Variants in RABGAP1 observed in about 807,000 individuals in gnomAD.
RABGAP1 encodes the protein RAB GTPase activating protein 1.
RABGAP1 carries 23 observed loss-of-function variants against 137.6 expected under a neutral mutation model. That is an observed-to-expected ratio of 0.17 (90% CI 0.12 to 0.24). RABGAP1 has a LOEUF of 0.24. Among genes scored for constraint, RABGAP1 ranks in the 10% least tolerant of loss-of-function variants. The probability of loss-of-function intolerance (pLI) is 1.00; values close to 1 mark genes in which losing one functional copy is unlikely to be tolerated. For missense variants in RABGAP1, 906 were observed against 1,275.8 expected (o/e 0.71, Z 4.42); for synonymous variants, 451 against 450.7 (o/e 1.00, Z -0.01).
At position 123,090,296 on chromosome 9, in the gene RABGAP1, G is replaced by A; in HGVS notation, c.2539G>A (p.Glu847Lys). 6.2e-7 allele frequency: 1 copy of A among 1,612,864 alleles called. No individual in the cohort carries two copies. The highest frequency in any genetic ancestry group is 8.5e-7 in the Non-Finnish European group (1 of 1,179,618). ...TCAGCGGGAGAATAGGCGTCTACAA[G>A]AAGCTAACATGAGGTTGGAACAGGA... Reference protein sequence around the residue: ...RFERENRRLQEANMRLEQEND... With the variant: ...RFERENRRLQKANMRLEQEND... The change falls in exon 21 of 26, where the codon GAA (glutamate) becomes AAA (lysine). Residue 847 changes from glutamate (E) to lysine (K), a missense_variant. Transcript: ENST00000373647.
At chr9:122,958,121 C>T (rs1006911426) in intron 2 of RABGAP1, among the ~76,000 whole-genome samples, 4 of 152,224 alleles carry the variant, frequency 2.6e-5, no homozygotes, top group Non-Finnish European at 4.4e-5. Flanking sequence ...TTCACTCCCA[C>T]TTGTCTGGGG....
At chr9:123,071,600 CAGTGGTGCTATTA>C (rs1459155811) in intron 15 of RABGAP1, 1 of 152,174 alleles carries the variant, frequency 6.6e-6, no homozygotes, top group Non-Finnish European at 1.5e-5. Flanking sequence ...TTATTACTTT[CAGTGGTGCTATTA>C]AGGTATAATA....
chr9:122,958,768 G>A (rs567900057), intron 2 of RABGAP1, among the ~76,000 whole-genome samples: 23 of 152,074 alleles, frequency 1.5e-4, no homozygotes, highest in South Asian at 4.1e-4. Flanking sequence ...CAACGCTTTG[G>A]GAGGCCTTGG....
chr9:122,950,569 C>T (rs1053217893), intron 1 of RABGAP1, among the ~76,000 whole-genome samples: 2 of 151,834 alleles, frequency 1.3e-5, no homozygotes, highest in Non-Finnish European at 2.9e-5. Context: ...CCTTTACACA[C>T]CTCTGTTATA....
upstream of RABGAP1, among the ~76,000 whole-genome samples, chr9:122,936,483 T>A (rs758083493): frequency 6.6e-6 from 1 of 152,146 alleles, no homozygotes; most frequent in Non-Finnish European, 1.5e-5. Flanking sequence ...GGCTGGTAAA[T>A]AGAGGTTAAT....
At chr9:122,963,621 G>A (rs1315901802) in intron 2 of RABGAP1, among the ~76,000 whole-genome samples, 1 of 152,162 alleles carries the variant, frequency 6.6e-6, no homozygotes, top group African/African-American at 2.4e-5. Flanking sequence ...AGCTTAAACA[G>A]TTCTAAGGGA....
At chr9:123,011,518 C>T (rs530783076) in intron 11 of RABGAP1, among the ~76,000 whole-genome samples, 10 of 152,306 alleles carry the variant, frequency 6.6e-5, no homozygotes, top group Admixed American at 3.3e-4. Flanking sequence ...CCAATACCTA[C>T]TGTTTGCTAT....
At chr9:122,944,952 G>T (rs1181036050) in intron 1 of RABGAP1, among the ~76,000 whole-genome samples, 1 of 151,842 alleles carries the variant, frequency 6.6e-6, no homozygotes, top group African/African-American at 2.4e-5. Context: ...CTTGGAGATA[G>T]AACTCAAATA....
At chr9:123,089,665 C>G in intron 19 of RABGAP1, 93 bp from the exon 20 acceptor site, 2 of 940,644 alleles carry the variant, frequency 2.1e-6, no homozygotes, top group South Asian at 3.2e-5. Flanking sequence ...CTGAGATTGC[C>G]CAGGCCACCA....
Position 122,998,648 on chromosome 9 carries a change from A to G in RABGAP1, c.1256A>G (p.Gln419Arg). Reference sequence around the variant, plus strand: ...GTAGATTTGGTAATAACAGAAGTACAGGAGCCTGTTCGATTTCTCCTGGAG... The same window carrying G: ...GTAGATTTGGTAATAACAGAAGTACGGGAGCCTGTTCGATTTCTCCTGGAG... ...TAVDLVITEVQEPVRFLLETK... is the reference protein window; with the variant it reads ...TAVDLVITEVREPVRFLLETK... The change falls in exon 10 of 26, where the codon CAG becomes CGG. Residue 419 changes from glutamine to arginine, a missense_variant. This residue lies in a region of RABGAP1 where 212 missense variants were observed against 289.4 expected (regional missense o/e 0.73). Transcript: ENST00000373647. The G allele has an allele frequency of 6.2e-7, 1 of 1,612,148 alleles. No homozygotes were observed. Among genetic ancestry groups the G allele is most frequent in the Non-Finnish European group, 8.5e-7 (1 of 1,178,262 alleles).
intron 16 of RABGAP1, among the ~76,000 whole-genome samples, 192 bp downstream of exon 16, chr9:123,073,869 A>G (rs1348705477): frequency 6.6e-6 from 1 of 152,172 alleles, no homozygotes; most frequent in Non-Finnish European, 1.5e-5. Context: ...TTCACACCTC[A>G]TGGATGTGAG....
chr9:123,038,220 G>A (rs1372657436), intron 13 of RABGAP1, among the ~76,000 whole-genome samples: 3 of 151,872 alleles, frequency 2.0e-5, no homozygotes, highest in Non-Finnish European at 4.4e-5. Flanking sequence ...TTTTTTTCAC[G>A]GGCCTATTGA....
chr9:123,072,028 G>T (rs1221299371), intron 15 of RABGAP1, among the ~76,000 whole-genome samples: 1 of 152,144 alleles, frequency 6.6e-6, no homozygotes, highest in Non-Finnish European at 1.5e-5. Context: ...GCCATTTTGT[G>T]TAGATTGCAA....
chr9:123,012,046 G>T (rs1028740585), intron 11 of RABGAP1, among the ~76,000 whole-genome samples: 4 of 152,190 alleles, frequency 2.6e-5, no homozygotes, highest in Non-Finnish European at 5.9e-5. Context: ...GCAGAGTCAG[G>T]ATTTGGATCT....
At chr9:122,996,381 C>A in intron 7 of RABGAP1, 158 bp from the exon 8 acceptor site, 1 of 1,069,738 alleles carries the variant, frequency 9.3e-7, no homozygotes, top group Non-Finnish European at 1.3e-6. Flanking sequence ...AATTAGCTGA[C>A]CTTGAAGGAA....
At chr9:123,025,543 C>CTTTTTTTTTTTTTTTTTTTTTTTTT (rs577474947) in intron 13 of RABGAP1, among the ~76,000 whole-genome samples, 2 of 74,998 alleles carry the variant, frequency 2.7e-5, no homozygotes, top group African/African-American at 4.5e-5. Context: ...TCTTTCTTTT[C>CTTTTTTTTTTTTTTTTTTTTTTTTT]TTTTTTTTTT....
chr9:123,054,833 G>C, intron 13 of RABGAP1, among the ~76,000 whole-genome samples: 1 of 152,046 alleles, frequency 6.6e-6, no homozygotes, highest in East Asian at 1.9e-4. Flanking sequence ...TTTTCATGAA[G>C]TCATGAATTT....
intron 10 of RABGAP1, 87 bp downstream of exon 10, chr9:122,998,853 AAC>A: frequency 1.2e-6 from 1 of 809,986 alleles, no homozygotes; most frequent in Non-Finnish European, 1.8e-6. Flanking sequence ...CAGATCTTTA[AAC>A]AGTCATGTGT....
intron 14 of RABGAP1, among the ~76,000 whole-genome samples, chr9:123,069,590 T>A (rs1041246674): frequency 1.2e-4 from 15 of 124,310 alleles, no homozygotes; most frequent in African/African-American, 3.9e-4. Context: ...AAAAAAAAAA[T>A]GCAGTGTGGG....
Sources: gnomAD v4.1 joint callset for allele counts (sites outside exome capture counted in the v4.1 genomes callset) on GRCh38, gnomAD v4.1.1 for gene constraint, gnomAD v4.1.1 regional missense constraint, MANE v1.5 for transcripts, NCBI Gene and HGNC (gene_info 2026-07-23, HGNC 2026-07-21) for gene names.